Variants in PHTF2 observed in about 807,000 individuals in gnomAD.
PHTF2 encodes the protein putative homeodomain transcription factor 2.
In PHTF2, 60 loss-of-function variants were observed where a neutral mutation model predicts 101.2. The ratio of observed to expected loss-of-function variants is 0.59; its 90% CI spans 0.48 to 0.73. PHTF2 has a LOEUF of 0.73. Among genes scored for constraint, PHTF2 ranks in the 30% least tolerant of loss-of-function variants. PHTF2 has a pLI of 0.00. For synonymous variants in PHTF2, 311 were observed against 307.3 expected (o/e 1.01, Z -0.13); for missense variants, 747 against 908.7 (o/e 0.82, Z 2.29).
intron 1 of PHTF2, among the ~76,000 whole-genome samples, chr7:77,821,679 C>G (rs147061214): frequency 0.012 from 1,782 of 152,066 alleles, 17 homozygotes; most frequent in Middle Eastern, 0.02. Flanking sequence ...CAGGGCTGCT[C>G]AGCCAGCCTG....
intron 9 of PHTF2, among the ~76,000 whole-genome samples, chr7:77,913,537 GTACT>G (rs761521277): frequency 9.9e-5 from 15 of 152,186 alleles, no homozygotes; most frequent in Non-Finnish European, 1.9e-4. Flanking sequence ...GTTCAGCATA[GTACT>G]TACTTCAGAA....
intron 3 of PHTF2, among the ~76,000 whole-genome samples, chr7:77,890,904 CTTTT>C (rs11442975): frequency 2.2e-5 from 2 of 92,960 alleles, no homozygotes; most frequent in Admixed American, 1.1e-4. Flanking sequence ...CGCACCCGGC[CTTTT>C]TTTTTTTTTT....
chr7:77,900,593 A>C (rs964214053), intron 5 of PHTF2, 118 bp from the exon 5 acceptor site: 2 of 672,318 alleles, frequency 3.0e-6, no homozygotes, highest in East Asian at 5.6e-5. Flanking sequence ...ATAATGTGTT[A>C]CATTTTGTTG....
intron 7 of PHTF2, among the ~76,000 whole-genome samples, chr7:77,903,567 G>A (rs2150839909): frequency 6.6e-6 from 1 of 152,298 alleles, no homozygotes; most frequent in East Asian, 1.9e-4. Flanking sequence ...GTTCCTCTAA[G>A]TTAAATAGGG....
chr7:77,807,512 C>G (rs1372290444), intron 1 of PHTF2, among the ~76,000 whole-genome samples: 1 of 151,994 alleles, frequency 6.6e-6, no homozygotes, highest in Non-Finnish European at 1.5e-5. Flanking sequence ...GGGCACATGC[C>G]CATTCAAATC....
At chr7:77,826,978 G>C (rs1794737960) in intron 1 of PHTF2, among the ~76,000 whole-genome samples, 1 of 152,200 alleles carries the variant, frequency 6.6e-6, no homozygotes, top group African/African-American at 2.4e-5. Context: ...GTGATCATCA[G>C]ATCCATTTAA....
At chr7:77,957,266 A>G (rs902833423) in exon 20 of PHTF2, 7 of 151,800 alleles carry the variant, frequency 4.6e-5, no homozygotes, top group African/African-American at 1.7e-4. Context: ...ATACATTTCT[A>G]TGGTAATTTT....
chr7:77,802,337 A>G (rs1792625076), intron 1 of PHTF2, among the ~76,000 whole-genome samples: 2 of 152,242 alleles, frequency 1.3e-5, no homozygotes, highest in South Asian at 4.1e-4. Flanking sequence ...CAGTTTGTCC[A>G]TTATTACATG....
chr7:77,929,175 G>A, exon 12 of PHTF2: 1 of 1,613,898 alleles, frequency 6.2e-7, no homozygotes, highest in African/African-American at 1.3e-5. Context: ...TTCTGAGAGT[G>A]CAAGGCCAGA....
chr7:77,821,599 G>A (rs557843429), intron 1 of PHTF2, among the ~76,000 whole-genome samples: 1 of 151,984 alleles, frequency 6.6e-6, no homozygotes, highest in Admixed American at 6.6e-5. Context: ...CCCTTGACAT[G>A]GCTTCACAAC....
intron 5 of PHTF2, among the ~76,000 whole-genome samples, chr7:77,894,526 C>T (rs1800722264): frequency 6.6e-6 from 1 of 152,160 alleles, no homozygotes; most frequent in African/African-American, 2.4e-5. Context: ...GAGCAAGATT[C>T]TTTCCCATTT....
chr7:77,803,911 A>G (rs1792767604), intron 1 of PHTF2, among the ~76,000 whole-genome samples: 1 of 152,218 alleles, frequency 6.6e-6, no homozygotes, highest in African/African-American at 2.4e-5. Context: ...TGAAGAAAGT[A>G]CATCAAACTC....
chr7:77,809,688 T>C (rs1793283854), intron 1 of PHTF2, among the ~76,000 whole-genome samples: 1 of 152,222 alleles, frequency 6.6e-6, no homozygotes, highest in African/African-American at 2.4e-5. Context: ...ATTTGCAACA[T>C]TGACTGAAAA....
intron 2 of PHTF2, among the ~76,000 whole-genome samples, chr7:77,845,683 A>G (rs1448660542): frequency 1.3e-5 from 2 of 152,126 alleles, no homozygotes; most frequent in African/African-American, 4.8e-5. Context: ...GTACTTAAGT[A>G]TGTGTAGGGC....
At chr7:77,818,325 CT>C (rs1674228247) in intron 1 of PHTF2, among the ~76,000 whole-genome samples, 2 of 152,128 alleles carry the variant, frequency 1.3e-5, no homozygotes, top group Non-Finnish European at 2.9e-5. Context: ...TTCATAAAAT[CT>C]TTTCCCAGAA....
chr7:77,833,182 G>C (rs1795198760), intron 1 of PHTF2, among the ~76,000 whole-genome samples: 1 of 152,150 alleles, frequency 6.6e-6, no homozygotes, highest in Non-Finnish European at 1.5e-5. Flanking sequence ...AGAAACTTAT[G>C]GAGAAAGTGG....
chr7:77,881,377 T>G (rs1231096087), intron 3 of PHTF2, among the ~76,000 whole-genome samples: 1 of 152,166 alleles, frequency 6.6e-6, no homozygotes, highest in African/African-American at 2.4e-5. Context: ...CTTAATGTAT[T>G]CAATTTCCTT....
chr7:77,810,018 T>C (rs1793312925), intron 1 of PHTF2, among the ~76,000 whole-genome samples: 1 of 152,244 alleles, frequency 6.6e-6, no homozygotes, highest in Non-Finnish European at 1.5e-5. Flanking sequence ...AAAGGAGGTA[T>C]TTTAAAATTG....
At chr7:77,910,924 G>T (rs942649152) in intron 9 of PHTF2, among the ~76,000 whole-genome samples, 1 of 152,006 alleles carries the variant, frequency 6.6e-6, no homozygotes, top group African/African-American at 2.4e-5. Context: ...CTTGATTTTG[G>T]TTTCTTTTAT....
Sources: allele counts gnomAD v4.1 joint callset (sites outside exome capture counted in the v4.1 genomes callset), GRCh38; gene constraint gnomAD v4.1.1; transcripts MANE v1.5; gene names NCBI Gene and HGNC (gene_info 2026-07-23, HGNC 2026-07-21).